VWF: variants seen among roughly 807,000 people sequenced by gnomAD.
VWF encodes the protein Factor VIII related antigen.
VWF carries 176 observed loss-of-function variants against 308.6 expected under a neutral mutation model. That is an observed-to-expected ratio of 0.57 (90% CI 0.50 to 0.65). The LOEUF (loss-of-function observed/expected upper bound fraction) is 0.65. Ranked by LOEUF, VWF falls within the 30% of genes least tolerant of loss-of-function variation. The pLI, the probability that VWF is intolerant of heterozygous loss-of-function variation, is 0.00. For missense variants in VWF, 3,146 were observed against 3,648.2 expected, an observed-to-expected ratio of 0.86 and a Z score of 3.55; for synonymous variants, 1,385 against 1,443.4, an observed-to-expected ratio of 0.96 and a Z score of 0.92.
intron 45 of VWF, 156 bp from the exon 46 acceptor site, chr12:5,968,323 T>A (rs556959257): frequency 6.1e-6 from 5 of 820,196 alleles, no homozygotes; most frequent in East Asian, 2.7e-5. Context: ...GCGCTGGGGG[T>A]CCTACTGCTG....
Position 6,018,356 on chromosome 12 carries a change from C to T in VWF, c.5053+9G>A, listed in dbSNP as rs374844945. 1.2e-4 allele frequency: 194 copies of T among 1,607,064 alleles called. No homozygotes were observed. Among genetic ancestry groups the T allele is most frequent in the Non-Finnish European group, 1.6e-4 (189 of 1,178,284 alleles). On this transcript the variant is annotated intron_variant, in intron 28 of 51. Transcript: ENST00000261405. ...AGCCCTCCCACCTGCACACAAGGTG[C>T]CAGCATACCAGGTGCAGGGGAGAGG...
At chr12:6,009,000 C>T (rs1943962388) in intron 34 of VWF, among the ~76,000 whole-genome samples, 1 of 152,030 alleles carries the variant, frequency 6.6e-6, no homozygotes, top group African/African-American at 2.4e-5. Context: ...AAAGAAAACA[C>T]AAGAACTTTG....
rs576605354 is a variant in VWF, at chr12:6,046,513, A to G, written c.2281+210T>C. Among the ~76,000 whole-genome samples the G allele has an allele frequency of 7.0e-4, 106 of 152,384 alleles. 1 individual carries two copies. The highest frequency in any genetic ancestry group is 2.5e-3 in the African/African-American group (103 of 41,596). On this transcript the variant is annotated intron_variant, in intron 17 of 51. Coordinates refer to ENST00000261405, the MANE Select transcript of VWF (RefSeq NM_000552.5). The surrounding 1 kb of genome is among the most constrained non-coding windows in gnomAD (Gnocchi z 5.0). ...CACGAAATCAAATACTCCTTGCCTC[A>G]ATGGTCGGGATTGACACATGCAAAG...
chr12:6,112,749 C>T (rs1177019461), intron 3 of VWF, among the ~76,000 whole-genome samples: 1 of 151,884 alleles, frequency 6.6e-6, no homozygotes, highest in Non-Finnish European at 1.5e-5. Context: ...TCACTCCTAG[C>T]CAGGAGAGGA....
At chr12:6,028,752 T>C (rs951973268) in intron 22 of VWF, among the ~76,000 whole-genome samples, 9 of 152,130 alleles carry the variant, frequency 5.9e-5, no homozygotes, top group Non-Finnish European at 1.2e-4. Context: ...CAAGAGCTCC[T>C]GAAGGAAGCA....
chr12:5,972,864 A>AGGTCTCAG (rs1943492480), intron 43 of VWF, among the ~76,000 whole-genome samples: 1 of 152,230 alleles, frequency 6.6e-6, no homozygotes, highest in Admixed American at 6.5e-5. Context: ...AAAAAAAACA[A>AGGTCTCAG]GGTCTCAGGG....
chr12:5,966,287 A>ACACACG (rs1555189979), intron 47 of VWF, among the ~76,000 whole-genome samples: 3 of 151,872 alleles, frequency 2.0e-5, no homozygotes, highest in Admixed American at 1.3e-4. Context: ...ACACACACAC[A>ACACACG]CACGCACACA....
chr12:6,001,062 G>A (rs1237081162), intron 34 of VWF, among the ~76,000 whole-genome samples: 1 of 152,094 alleles, frequency 6.6e-6, no homozygotes, highest in Non-Finnish European at 1.5e-5. Context: ...TTGATTGTTG[G>A]ATAGCCACAG....
At chr12:6,093,377 C>T (rs4408361) in intron 6 of VWF, among the ~76,000 whole-genome samples, 17,773 of 152,156 alleles carry the variant, frequency 0.12, 1,531 homozygotes, top group African/African-American at 0.24. Flanking sequence ...CAGTGACCAA[C>T]AGGGGCCACT....
Position 5,984,969 on chromosome 12 carries a change from C to T in VWF, c.6976+76G>A. 12 of 1,503,888 alleles carry T rather than the reference C, an allele frequency of 8.0e-6. No homozygotes were observed. The South Asian group carries it at 1.2e-4, about 16-fold the overall frequency. 93.2% of individuals were successfully genotyped at this position (1,503,888 alleles called of 1,614,324 possible). A position where few individuals can be genotyped will look rare whatever the true frequency, so the allele number is the denominator to read the frequency against. ...ACCCTGTGCCTGAGAACAGAGACAC[C>T]TTTCAGCACCTTCAACGTGGTGCCC... is the stretch of plus-strand genomic sequence containing the variant. On this transcript the variant is annotated intron_variant, in intron 40 of 51. Transcript: ENST00000261405.
chr12:6,042,595 C>T (rs1027306048), intron 18 of VWF, among the ~76,000 whole-genome samples: 2 of 152,204 alleles, frequency 1.3e-5, no homozygotes, highest in African/African-American at 4.8e-5. Context: ...TATGAACCTG[C>T]AAGTTAGAAT....
At chr12:6,031,710 A>G (rs986851796) in intron 20 of VWF, 132 bp from the exon 21 acceptor site, 7 of 1,387,244 alleles carry the variant, frequency 5.0e-6, no homozygotes, top group Admixed American at 1.9e-5. Context: ...GGCTGCGCAT[A>G]TGTGCCTCTG....
chr12:6,031,768 G>A (rs1327867570), intron 20 of VWF, among the ~76,000 whole-genome samples, 190 bp from the exon 21 acceptor site: 1 of 146,982 alleles, frequency 6.8e-6, no homozygotes, highest in African/African-American at 2.5e-5. Flanking sequence ...GCCCTCAGGT[G>A]TGTCAACCTC....
At chr12:6,089,980 T>C (rs1466028660) in intron 6 of VWF, among the ~76,000 whole-genome samples, 8 of 151,972 alleles carry the variant, frequency 5.3e-5, no homozygotes, top group Non-Finnish European at 1.2e-4. Flanking sequence ...TTGTTTGAGA[T>C]GGAGTCTCGC....
At chr12:6,007,604 C>G (rs955224347) in intron 34 of VWF, among the ~76,000 whole-genome samples, 3 of 151,944 alleles carry the variant, frequency 2.0e-5, no homozygotes, top group Admixed American at 2.0e-4. Flanking sequence ...CAGTAAATGT[C>G]TACAGTAAGA....
intron 34 of VWF, among the ~76,000 whole-genome samples, chr12:6,009,256 C>T (rs1591856571): frequency 2.1e-5 from 3 of 146,028 alleles, no homozygotes; most frequent in African/African-American, 5.0e-5. Context: ...AAAAAAAATG[C>T]AAATAACCCA....
chr12:5,989,639 A>G (rs1000335647), intron 38 of VWF, among the ~76,000 whole-genome samples: 2 of 152,202 alleles, frequency 1.3e-5, no homozygotes, highest in Non-Finnish European at 2.9e-5. Context: ...GCATATTCTA[A>G]TGTGTTGGAC....
At chr12:6,027,246 G>A (rs1346933419) in intron 22 of VWF, among the ~76,000 whole-genome samples, 1 of 151,944 alleles carries the variant, frequency 6.6e-6, no homozygotes, top group Non-Finnish European at 1.5e-5. Context: ...CTTGTACAAC[G>A]GCTGCAGACA....
chr12:5,973,822 G>T (rs1376640136), intron 43 of VWF, among the ~76,000 whole-genome samples: 1 of 152,168 alleles, frequency 6.6e-6, no homozygotes, highest in Non-Finnish European at 1.5e-5. Context: ...GGAGCCTACG[G>T]GTGAGGAGTC....
Sources: allele counts gnomAD v4.1 joint callset (sites outside exome capture counted in the v4.1 genomes callset), GRCh38; gene constraint gnomAD v4.1.1; non-coding constraint Gnocchi (gnomAD v3.1); transcripts MANE v1.5; gene names NCBI Gene and HGNC (gene_info 2026-07-23, HGNC 2026-07-21).